Variants in SOX10 observed in about 807,000 individuals in gnomAD.
SOX10 encodes SRY-box transcription factor 10.
SOX10 carries 3 observed loss-of-function variants against 35.0 expected under a neutral mutation model. The observed-to-expected ratio is 0.09, with a 90% confidence interval of 0.04 to 0.22. The LOEUF is 0.22. SOX10 is among the 10% of genes least tolerant of loss of function. SOX10 has a pLI of 1.00. For missense variants in SOX10, 436 were observed against 655.1 expected (o/e 0.67, Z 3.65); for synonymous variants, 285 against 291.0 (o/e 0.98, Z 0.21).
intron 2 of SOX10, among the ~76,000 whole-genome samples, chr22:37,982,538 G>T (rs1932432034): frequency 6.6e-6 from 1 of 152,150 alleles, no homozygotes. Context: ...CTGGGACTCT[G>T]AGGGCCCCTG....
chr22:37,974,155 T>C lies in SOX10; in HGVS notation c.741A>G (p.Thr247=). 1 of 1,609,330 alleles carries C rather than the reference T, an allele frequency of 6.2e-7. No individual in the cohort carries two copies. Among genetic ancestry groups the C allele is most frequent in the African/African-American group, 1.3e-5 (1 of 74,922 alleles). ...GPPTPPTTPK[T]ELQSGKADPK... Reference sequence around the variant, plus strand: ...GGTCTGCCTTGCCCGACTGCAGCTCTGTCTTCGGGGTGGTTGGAGGGGTGG... The same window carrying C: ...GGTCTGCCTTGCCCGACTGCAGCTCCGTCTTCGGGGTGGTTGGAGGGGTGG... Residue 247 remains threonine, a synonymous_variant, in exon 4 of 4, where the codon ACA becomes ACG. Coordinates refer to ENST00000396884, the MANE Select transcript of SOX10 (RefSeq NM_006941.4). This position sits in a 1 kb window ranked among gnomAD's most constrained non-coding sequence, Gnocchi z 5.4.
chr22:37,983,154 C>CTAGGGAA lies in SOX10; in HGVS notation c.428+202_428+203insTTCCCTA, dbSNP rs1932452444. Among the ~76,000 whole-genome samples, 1 of 152,222 alleles carries CTAGGGAA rather than the reference C, an allele frequency of 6.6e-6. No individual in the cohort carries two copies. The highest frequency in any genetic ancestry group is 1.5e-5 in the Non-Finnish European group (1 of 68,028). On this transcript the variant is annotated intron_variant, in intron 2 of 3. Coordinates refer to ENST00000396884, the MANE Select transcript of SOX10 (RefSeq NM_006941.4). The surrounding 1 kb of genome is among the most constrained non-coding windows in gnomAD (Gnocchi z 9.5). ...CCTGCCCGCCGCCCCGTAGGGAGACCCGGCCTAGGCCGCTGGAGTTCCGAG... is the reference window on the plus strand; with the variant it reads ...CCTGCCCGCCGCCCCGTAGGGAGACCTAGGGAACGGCCTAGGCCGCTGGAGTTCCGAG...
rs1158933709 is a variant in SOX10, at chr22:37,974,986, C to G, written c.698-788G>C. ...TTTCCAACCCTTCCCTCCTCCTGAG[C>G]CCACCCTGCTTCCCAGCCCACTGGC... On this transcript the variant is annotated intron_variant, in intron 3 of 3. Transcript: ENST00000396884. This position sits in a 1 kb window ranked among gnomAD's most constrained non-coding sequence, Gnocchi z 5.4. 6.6e-6 allele frequency among the ~76,000 whole-genome samples: 1 copy of G among 152,208 alleles called. No individual in the cohort carries two copies. Among genetic ancestry groups the G allele is most frequent in the Non-Finnish European group, 1.5e-5 (1 of 68,038 alleles).
rs1414987803 is a variant in SOX10 at position 37,980,423 on chromosome 22, G to C, written c.429-2288C>G. Among the ~76,000 whole-genome samples, 1 of 152,118 alleles carries C rather than the reference G, an allele frequency of 6.6e-6. No individual in the cohort carries two copies. The highest frequency in any genetic ancestry group is 1.5e-5 in the Non-Finnish European group (1 of 68,018). On this transcript the variant is annotated intron_variant, in intron 2 of 3. Coordinates refer to ENST00000396884, the MANE Select transcript of SOX10 (RefSeq NM_006941.4). This position sits in a 1 kb window ranked among gnomAD's most constrained non-coding sequence, Gnocchi z 4.1. Reference sequence around the variant, plus strand: ...AAAGTGACAGGGGCCAGAAGAGAGAGAGGATTCCAACATCGGATTCCGCTG... The same window carrying C: ...AAAGTGACAGGGGCCAGAAGAGAGACAGGATTCCAACATCGGATTCCGCTG...
rs1932288720 is a variant in SOX10 at position 37,978,326 on chromosome 22, A to AGATG, written c.429-192_429-191insCATC. Among the ~76,000 whole-genome samples the AGATG allele has an allele frequency of 6.6e-6, 1 of 152,222 alleles. No individual in the cohort carries two copies. Among genetic ancestry groups the AGATG allele is most frequent in the Non-Finnish European group, 1.5e-5 (1 of 68,030 alleles). On this transcript the variant is annotated intron_variant, in intron 2 of 3. Coordinates refer to ENST00000396884, the MANE Select transcript of SOX10 (RefSeq NM_006941.4). The surrounding 1 kb of genome is among the most constrained non-coding windows in gnomAD (Gnocchi z 5.0). ...GACTGAGAGATGTGAGGCCCAAGGAATAACAGCCTCAGAGGGCTGCCCCCA... is the reference window on the plus strand; with the variant it reads ...GACTGAGAGATGTGAGGCCCAAGGAAGATGTAACAGCCTCAGAGGGCTGCCCCCA...
chr22:37,973,621 G>A lies in SOX10; in HGVS notation c.1275C>T (p.Phe425=), dbSNP rs746764977. ...SGQASGLYSA[F]SYMGPSQRPL... ...GCCGCTGCGAGGGCCCCATATAGGA[G>A]AAGGCCGAGTAGAGGCCAGAGGCCT... is the stretch of plus-strand genomic sequence containing the variant. The change falls in exon 4 of 4, where the codon TTC becomes TTT. Residue 425 remains phenylalanine, a synonymous_variant. Coordinates refer to ENST00000396884, the MANE Select transcript of SOX10 (RefSeq NM_006941.4). 1 of 1,613,674 alleles carries A rather than the reference G, an allele frequency of 6.2e-7. No individual in the cohort carries two copies. Among genetic ancestry groups the A allele is most frequent in the Non-Finnish European group, 8.5e-7 (1 of 1,179,836 alleles).
At chr22:37,979,366 G>C (rs1380659478) in intron 2 of SOX10, among the ~76,000 whole-genome samples, 1 of 152,186 alleles carries the variant, frequency 6.6e-6, no homozygotes, top group Non-Finnish European at 1.5e-5. Flanking sequence ...CCAAAGTGCT[G>C]AGATTATAGG....
chr22:37,983,197 T>C lies in SOX10; in HGVS notation c.428+160A>G, dbSNP rs932467107. Among the ~76,000 whole-genome samples, 1 of 152,172 alleles carries C rather than the reference T, an allele frequency of 6.6e-6. No homozygotes were observed. The highest frequency in any genetic ancestry group is 1.5e-5 in the Non-Finnish European group (1 of 68,020). On this transcript the variant is annotated intron_variant, in intron 2 of 3. Transcript: ENST00000396884. The surrounding 1 kb of genome is among the most constrained non-coding windows in gnomAD (Gnocchi z 9.5). ...GTTCCGAGTTCCAGGGTCCTTGTGA[T>C]GGAAGGGCGGGCGCGGCCCCCACAC...
At chr22:37,975,168 A>G (rs1252114242) in intron 3 of SOX10, among the ~76,000 whole-genome samples, 2 of 152,230 alleles carry the variant, frequency 1.3e-5, no homozygotes, top group African/African-American at 2.4e-5. Context: ...GGAGCATTAC[A>G]AAATGCCAGG....
chr22:37,973,864 C>G lies in SOX10; in HGVS notation c.1032G>C (p.Thr344=). 6.2e-7 allele frequency: 1 copy of G among 1,609,600 alleles called. No individual in the cohort carries two copies. The highest frequency in any genetic ancestry group is 1.7e-5 in the Admixed American group (1 of 59,990). The change falls in exon 4 of 4, where the codon ACG becomes ACC. Residue 344 remains threonine (T), a synonymous_variant. Transcript: ENST00000396884. ...TGGCATCCACACCAGGTGGTGAGAC[C>G]GTGGGCAGAGCCACGCCTGGTGGCT... is the stretch of plus-strand genomic sequence containing the variant. ...ISKPPGVALP[T]VSPPGVDAKA...
intron 3 of SOX10, 105 bp downstream of exon 3, chr22:37,977,762 G>A: frequency 7.7e-7 from 1 of 1,293,304 alleles, no homozygotes; most frequent in Non-Finnish European, 1.1e-6. Context: ...CAACTGCACA[G>A]CCTGGCACGC....
Position 37,983,665 on chromosome 22 carries a change from C to G in SOX10, c.120G>C (p.Ser40=). 1 of 1,582,700 alleles carries G rather than the reference C, an allele frequency of 6.3e-7. No homozygotes were observed. Among genetic ancestry groups the G allele is most frequent in the Non-Finnish European group, 8.5e-7 (1 of 1,170,664 alleles). Residue 40 remains serine (S), a synonymous_variant, in exon 2 of 4, where the codon TCG becomes TCC. Coordinates refer to ENST00000396884, the MANE Select transcript of SOX10 (RefSeq NM_006941.4). The surrounding 1 kb of genome is among the most constrained non-coding windows in gnomAD (Gnocchi z 9.5). ...CTGGCCCCGGGCTGGCTCGCAGGCC[C>G]GATCCGCCGCCGCCGCCGTCGGGCC... ...SLGPDGGGGG[S]GLRASPGPGE...
chr22:37,983,800 C>T lies in SOX10; in HGVS notation c.-16G>A, dbSNP rs1184727918. 10 of 1,420,176 alleles carry T rather than the reference C, an allele frequency of 7.0e-6. No homozygotes were observed. Among genetic ancestry groups the T allele is most frequent in the African/African-American group, 1.5e-5 (1 of 65,744 alleles). The allele number at this position is 1,420,176 out of a possible 1,614,324, so 88.0% of individuals were successfully genotyped here. A position where few individuals can be genotyped will look rare whatever the true frequency, so the allele number is the denominator to read the frequency against. On this transcript the variant is annotated 5_prime_UTR_variant, in exon 2 of 4. Coordinates refer to ENST00000396884, the MANE Select transcript of SOX10 (RefSeq NM_006941.4). This position sits in a 1 kb window ranked among gnomAD's most constrained non-coding sequence, Gnocchi z 9.5. Reference sequence around the variant, plus strand: ...CCTCCGCCATGTCGCCCCCGGCCGCCGCCGCCGCCGCCTCGGCCGCCTCCC... The same window carrying T: ...CCTCCGCCATGTCGCCCCCGGCCGCTGCCGCCGCCGCCTCGGCCGCCTCCC...
intron 3 of SOX10, among the ~76,000 whole-genome samples, chr22:37,976,430 G>A (rs540372736): frequency 9.2e-5 from 14 of 152,246 alleles, no homozygotes; most frequent in African/African-American, 3.4e-4. Context: ...GGCCCCTGAG[G>A]CCAGGGACTG....
rs1365019464 is a variant in SOX10, at chr22:37,974,187, C to T, written c.709G>A (p.Gly237Ser). 6.2e-7 allele frequency: 1 copy of T among 1,603,356 alleles called. No individual in the cohort carries two copies. The highest frequency in any genetic ancestry group is 8.5e-7 in the Non-Finnish European group (1 of 1,179,364). The change falls in exon 4 of 4, where the codon GGC becomes AGC. Residue 237 changes from glycine to serine, a missense_variant. Physicochemically the swap from Gly to Ser is moderately conservative, Grantham distance 56 (BLOSUM62 0). Around this residue, in one of 3 missense-constraint regions of SOX10, gnomAD observed 285 missense variants for 402.9 expected, o/e 0.71. Transcript: ENST00000396884. The surrounding 1 kb of genome is among the most constrained non-coding windows in gnomAD (Gnocchi z 5.4). ...NPEHPSGQSH[G>S]PPTPPTTPKT... is the part of the protein sequence containing the mutation. ...GGGGTGGTTGGAGGGGTGGGTGGGC[C>T]ATGGCTCTGGCCTGGGTAGAAGGGA...
intron 3 of SOX10, among the ~76,000 whole-genome samples, chr22:37,975,635 G>A (rs1460209983): frequency 6.6e-6 from 1 of 152,194 alleles, no homozygotes; most frequent in Non-Finnish European, 1.5e-5. Flanking sequence ...TCAGACCAGA[G>A]GCAGCGCCAA....
At position 37,974,382 on chromosome 22, in the gene SOX10, C is replaced by T. The variant is rs1391320438; in HGVS notation, c.698-184G>A. Among the ~76,000 whole-genome samples the T allele has an allele frequency of 7.0e-6, 1 of 143,134 alleles. No individual in the cohort carries two copies. Among genetic ancestry groups the T allele is most frequent in the African/African-American group, 2.7e-5 (1 of 36,764 alleles). 93.9% of individuals were successfully genotyped at this position (143,134 alleles called of 152,430 possible). ...GTTTTTTTTTTTTGAGATGGAGTTTCGCTCTTGTTGCCCAGACTGGAGTGC... is the reference window on the plus strand; with the variant it reads ...GTTTTTTTTTTTTGAGATGGAGTTTTGCTCTTGTTGCCCAGACTGGAGTGC... On this transcript the variant is annotated intron_variant, in intron 3 of 3. Transcript: ENST00000396884. This position sits in a 1 kb window ranked among gnomAD's most constrained non-coding sequence, Gnocchi z 5.4.
In SOX10 at chr22:37,980,522, G is replaced by A. The variant is rs112319104; in HGVS notation, c.429-2387C>T. On this transcript the variant is annotated intron_variant, in intron 2 of 3. Coordinates refer to ENST00000396884, the MANE Select transcript of SOX10 (RefSeq NM_006941.4). This position sits in a 1 kb window ranked among gnomAD's most constrained non-coding sequence, Gnocchi z 4.1. ...TAAGCCTGGGGCCACTGCCATCCCC[G>A]ACCCCAGCTCCCTCCTCCACCAGCT... 7.2e-3 allele frequency among the ~76,000 whole-genome samples: 1,095 copies of A among 151,904 alleles called. 15 individuals are homozygous for A. Among genetic ancestry groups the A allele is most frequent in the African/African-American group, 0.023 (955 of 41,388 alleles).
chr22:37,983,644 C>T lies in SOX10; in HGVS notation c.141G>A (p.Gly47=), dbSNP rs1188849914. The part of the protein sequence containing the change: ...GGGSGLRASP[G]PGELGKVKKE... ...TCTTGACCTTGCCCAGCTCGCCTGGCCCCGGGCTGGCTCGCAGGCCCGATC... is the reference window on the plus strand; with the variant it reads ...TCTTGACCTTGCCCAGCTCGCCTGGTCCCGGGCTGGCTCGCAGGCCCGATC... The change falls in exon 2 of 4, where the codon GGG becomes GGA. Residue 47 remains glycine, a synonymous_variant. Coordinates refer to ENST00000396884, the MANE Select transcript of SOX10 (RefSeq NM_006941.4). This position sits in a 1 kb window ranked among gnomAD's most constrained non-coding sequence, Gnocchi z 9.5. 1.3e-6 allele frequency: 2 copies of T among 1,598,902 alleles called. No individual in the cohort carries two copies. The highest frequency in any genetic ancestry group is 1.7e-6 in the Non-Finnish European group (2 of 1,177,094).
Sources: gnomAD v4.1 joint callset for allele counts (sites outside exome capture counted in the v4.1 genomes callset) on GRCh38, gnomAD v4.1.1 for gene constraint, gnomAD v4.1.1 regional missense constraint, Gnocchi (gnomAD v3.1) non-coding constraint, MANE v1.5 for transcripts, NCBI Gene and HGNC (gene_info 2026-07-23, HGNC 2026-07-21) for gene names.